VPS41: variants seen among roughly 807,000 people sequenced by gnomAD.
VPS41 encodes vacuolar protein sorting-associated protein 41 homolog.
VPS41 carries 85 observed loss-of-function variants against 130.9 expected under a neutral mutation model. The observed-to-expected ratio is 0.65, with a 90% confidence interval of 0.55 to 0.78. The LOEUF is 0.78. Ranked by LOEUF, VPS41 falls within the 30% of genes least tolerant of loss-of-function variation. The probability of loss-of-function intolerance (pLI) is 0.00; values close to 1 mark genes in which losing one functional copy is unlikely to be tolerated. For missense variants in VPS41, 874 were observed against 1,018.7 expected (o/e 0.86, Z 1.93); for synonymous variants, 335 against 332.9 (o/e 1.01, Z -0.07).
At chr7:38,909,066 A>C in intron 1 of VPS41, 88 bp downstream of exon 1, 1 of 1,408,814 alleles carries the variant, frequency 7.1e-7, no homozygotes, top group Non-Finnish European at 9.9e-7. Context: ...GCAGCTCCGC[A>C]CCTCCACCCA....
chr7:38,828,299 GA>G (rs1785320809), intron 5 of VPS41, among the ~76,000 whole-genome samples: 2 of 53,056 alleles, frequency 3.8e-5, no homozygotes, highest in Non-Finnish European at 6.7e-5. Context: ...TAGAACTGCA[GA>G]AAAGTCATGA....
At chr7:38,902,028 G>A (rs888905048) in intron 1 of VPS41, among the ~76,000 whole-genome samples, 1 of 152,182 alleles carries the variant, frequency 6.6e-6, no homozygotes, top group East Asian at 1.9e-4. Flanking sequence ...GTAACGGATT[G>A]ACAGTTAAAC....
chr7:38,869,201 C>T lies in VPS41; in HGVS notation c.113G>A (p.Gly38Glu), dbSNP rs1562617145. ...ATCCTTCTGAAGTATTTCAGTTACC[C>T]CATTGGAAAGCCTTTCATACTTCAG... ...PKLKYERLSN[G>E]VTEILQKDAA... The change falls in exon 3 of 29, where the codon GGG (glycine) becomes GAG (glutamate). Residue 38 changes from glycine (G) to glutamate (E), a missense_variant. Transcript: ENST00000310301. The T allele has an allele frequency of 6.2e-7, 1 of 1,612,630 alleles. No individual in the cohort carries two copies. The highest frequency in any genetic ancestry group is 8.5e-7 in the Non-Finnish European group (1 of 1,179,072).
chr7:38,761,866 T>A (rs1222911032), intron 17 of VPS41, among the ~76,000 whole-genome samples: 1 of 152,134 alleles, frequency 6.6e-6, no homozygotes. Flanking sequence ...GGATTACAGA[T>A]GTGAGCCACC....
chr7:38,796,758 C>T lies in VPS41; in HGVS notation c.557G>A (p.Trp186Ter), dbSNP rs1007246863. Residue 186 changes from tryptophan (W) to a stop codon, truncating the protein, a stop_gained, in exon 8 of 29, where the codon TGG becomes TAG. Transcript: ENST00000310301. LOFTEE classifies it high-confidence loss of function. ...SVKWRGHLIA[W>*]ANNMGVKIFD... Reference sequence around the variant, plus strand: ...CATATTTTTTACCATATTATTGGCCCAAGCAATCAGATGGCCTCTCCACTT... The same window carrying T: ...CATATTTTTTACCATATTATTGGCCTAAGCAATCAGATGGCCTCTCCACTT... 1 of 1,613,694 alleles carries T rather than the reference C, an allele frequency of 6.2e-7. No homozygotes were observed. The highest frequency in any genetic ancestry group is 1.3e-5 in the African/African-American group (1 of 74,882).
Position 38,772,597 on chromosome 7 carries a change from C to T in VPS41, c.1053G>A (p.Pro351=), listed in dbSNP as rs531869249. 2.4e-5 allele frequency: 39 copies of T among 1,613,496 alleles called. No individual in the cohort carries two copies. In the East Asian group the frequency reaches 5.8e-4, roughly 24 times the overall value. The change falls in exon 13 of 29, where the codon CCG becomes CCA. Residue 351 remains proline (P), a synonymous_variant. Coordinates refer to ENST00000310301, the MANE Select transcript of VPS41 (RefSeq NM_014396.4). ...GTTCCTTGGCCACTACAACATCTCTCGGACTCACGATGTAAAAAAGTGATT... is the reference window on the plus strand; with the variant it reads ...GTTCCTTGGCCACTACAACATCTCTTGGACTCACGATGTAAAAAAGTGATT... ...EGESLFYIVS[P]RDVVVAKERD...
At chr7:38,849,732 C>T (rs1306983533) in intron 4 of VPS41, among the ~76,000 whole-genome samples, 3 of 152,260 alleles carry the variant, frequency 2.0e-5, no homozygotes, top group East Asian at 3.9e-4. Flanking sequence ...TGTGTCTCTG[C>T]CCACTAGGGC....
chr7:38,726,942 C>T lies in VPS41; in HGVS notation c.2451G>A (p.Met817Ile). 2 of 1,590,268 alleles carry T rather than the reference C, an allele frequency of 1.3e-6. No homozygotes were observed. Among genetic ancestry groups the T allele is most frequent in the Non-Finnish European group, 1.7e-6 (2 of 1,168,150 alleles). The change falls in exon 28 of 29, where the codon ATG (methionine) becomes ATA (isoleucine). Residue 817 changes from methionine (M) to isoleucine (I), a missense_variant. Coordinates refer to ENST00000310301, the MANE Select transcript of VPS41 (RefSeq NM_014396.4). Reference sequence around the variant, plus strand: ...GCATGGGCAGGCACTCCTTGTGGAACATGTGCCGGCAATGGAAGACCACCA... The same window carrying T: ...GCATGGGCAGGCACTCCTTGTGGAATATGTGCCGGCAATGGAAGACCACCA... The part of the protein sequence containing the change: ...FSVVVFHCRH[M>I]FHKECLPMPS...
chr7:38,853,557 T>C (rs959011979), intron 4 of VPS41, among the ~76,000 whole-genome samples: 8 of 152,176 alleles, frequency 5.3e-5, no homozygotes, highest in Middle Eastern at 3.4e-3. Flanking sequence ...AAGGTGGAGA[T>C]TCCTCCCCTA....
chr7:38,864,973 C>T (rs1467065080), intron 3 of VPS41, among the ~76,000 whole-genome samples: 2 of 151,908 alleles, frequency 1.3e-5, no homozygotes, highest in Non-Finnish European at 2.9e-5. Context: ...AAAGACTGGA[C>T]TTTATGTAAG....
chr7:38,849,756 T>C lies in VPS41; in HGVS notation c.246+12789A>G, dbSNP rs921347542. On this transcript the variant is annotated intron_variant, in intron 4 of 28. Transcript: ENST00000310301. The stretch of plus-strand genomic sequence containing the variant: ...GCCCACTAGGGCCTCAGGGGTTTTA[T>C]AGGCACAGGATGGGGTGTGGCAGGA... 5.9e-5 allele frequency among the ~76,000 whole-genome samples: 9 copies of C among 152,244 alleles called. No individual in the cohort carries two copies. In the East Asian group the frequency reaches 9.7e-4, roughly 16 times the overall value.
At chr7:38,897,116 C>T (rs946552017) in intron 2 of VPS41, among the ~76,000 whole-genome samples, 7 of 146,038 alleles carry the variant, frequency 4.8e-5, no homozygotes, top group Non-Finnish European at 8.9e-5. Context: ...ATCACTTGAA[C>T]CCAGGAGATA....
At chr7:38,802,307 C>G (rs2116018611) in intron 7 of VPS41, among the ~76,000 whole-genome samples, 1 of 152,286 alleles carries the variant, frequency 6.6e-6, no homozygotes, top group African/African-American at 2.4e-5. Context: ...TCGCATGTGG[C>G]CTGCTTCTCT....
intron 25 of VPS41, among the ~76,000 whole-genome samples, chr7:38,740,108 A>G (rs1256563328): frequency 4.6e-5 from 7 of 152,206 alleles, no homozygotes; most frequent in Non-Finnish European, 2.9e-5. Flanking sequence ...CGAAAAAGAA[A>G]GGCACAACTT....
chr7:38,889,361 TA>T (rs34136101), intron 2 of VPS41, among the ~76,000 whole-genome samples: 153 of 143,696 alleles, frequency 1.1e-3, no homozygotes, highest in Non-Finnish European at 1.2e-3. Context: ...ACACTAAAGT[TA>T]AAAAAAAAAA....
chr7:38,872,907 TC>T (rs1409734839), intron 2 of VPS41, among the ~76,000 whole-genome samples: 1 of 152,190 alleles, frequency 6.6e-6, no homozygotes, highest in Non-Finnish European at 1.5e-5. Flanking sequence ...ACAAATTGAA[TC>T]CTGAGTGTTA....
intron 27 of VPS41, among the ~76,000 whole-genome samples, chr7:38,727,701 C>T (rs1288014178): frequency 6.6e-6 from 1 of 152,170 alleles, no homozygotes; most frequent in Non-Finnish European, 1.5e-5. Flanking sequence ...AGAACAACTT[C>T]TCATGGACTG....
intron 27 of VPS41, 177 bp from the exon 28 acceptor site, chr7:38,727,165 T>TTA: frequency 2.1e-6 from 1 of 465,132 alleles, no homozygotes; most frequent in Non-Finnish European, 3.7e-6. Flanking sequence ...AAAACAGGTA[T>TTA]TATAATCATG....
chr7:38,757,119 C>A, intron 18 of VPS41, 137 bp from the exon 19 acceptor site: 1 of 691,924 alleles, frequency 1.4e-6, no homozygotes. Flanking sequence ...AAAAAATATT[C>A]CTATTTTTGA....
Sources: allele counts gnomAD v4.1 joint callset (sites outside exome capture counted in the v4.1 genomes callset), GRCh38; gene constraint gnomAD v4.1.1; transcripts MANE v1.5; gene names NCBI Gene and HGNC (gene_info 2026-07-23, HGNC 2026-07-21).